Variants in ST18 observed in about 807,000 individuals in gnomAD.
The protein encoded by ST18 is ST18 C2H2C-type zinc finger transcription factor.
Under a neutral mutation model 110.0 loss-of-function variants are expected in ST18, and 50 were observed. The ratio of observed to expected loss-of-function variants is 0.45; its 90% CI spans 0.36 to 0.58. The LOEUF (loss-of-function observed/expected upper bound fraction) is 0.58, where lower values mean the gene tolerates loss of function less well. Ranked by LOEUF, ST18 falls within the 20% of genes least tolerant of loss-of-function variation. The pLI, the probability that ST18 is intolerant of heterozygous loss-of-function variation, is 0.00. For synonymous variants in ST18, 461 were observed against 452.4 expected (o/e 1.02, Z -0.24); for missense variants, 1,306 against 1,280.1 (o/e 1.02, Z -0.31).
chr8:52,114,722 G>A (rs1472369769), intron 25 of ST18, among the ~76,000 whole-genome samples: 2 of 152,156 alleles, frequency 1.3e-5, no homozygotes, highest in African/African-American at 4.8e-5. Context: ...CTGCAGGGCC[G>A]GGCCCACTTG....
chr8:52,366,871 A>G (rs1828172852), intron 2 of ST18, among the ~76,000 whole-genome samples: 1 of 152,218 alleles, frequency 6.6e-6, no homozygotes, highest in South Asian at 2.1e-4. Context: ...GATCTATAAA[A>G]GTGCCTAGAA....
At chr8:52,377,762 G>C (rs537935669) in intron 2 of ST18, among the ~76,000 whole-genome samples, 1 of 152,292 alleles carries the variant, frequency 6.6e-6, no homozygotes, top group South Asian at 2.1e-4. Context: ...GTATACCCAA[G>C]AGAAAGGAAA....
At chr8:52,269,532 C>A (rs2094998542) in intron 2 of ST18, among the ~76,000 whole-genome samples, 1 of 152,130 alleles carries the variant, frequency 6.6e-6, no homozygotes, top group Non-Finnish European at 1.5e-5. Context: ...GAGTTCAGTG[C>A]AAATAAGGGT....
In ST18 at chr8:52,139,417, G is replaced by A. The variant is rs866787120; in HGVS notation, c.2169-1934C>T. Among the ~76,000 whole-genome samples the A allele has an allele frequency of 3.3e-5, 5 of 151,966 alleles. No homozygotes were observed. The South Asian group carries it at 6.3e-4, about 19-fold the overall frequency. On this transcript the variant is annotated intron_variant, in intron 17 of 25. Transcript: ENST00000689386. The stretch of plus-strand genomic sequence containing the variant: ...GTCGCTCAGGCTGGAGTACAGTGGC[G>A]CAATCTCGGCTCACTGCAAACTTCG...
chr8:52,186,594 C>T (rs1461645826), intron 8 of ST18, among the ~76,000 whole-genome samples: 1 of 152,260 alleles, frequency 6.6e-6, no homozygotes, highest in East Asian at 1.9e-4. Context: ...TCCATATATG[C>T]ACAAAAGGTA....
chr8:52,206,691 T>G (rs972705504), intron 8 of ST18: 1 of 149,338 alleles, frequency 6.7e-6, no homozygotes, highest in Non-Finnish European at 1.5e-5. Flanking sequence ...AAGTGGCTTA[T>G]AGGTAAAAAG....
At chr8:52,306,475 A>G (rs919770681) in intron 2 of ST18, among the ~76,000 whole-genome samples, 1 of 152,254 alleles carries the variant, frequency 6.6e-6, no homozygotes, top group Non-Finnish European at 1.5e-5. Context: ...TGAAGAAATA[A>G]ATACATGAAA....
chr8:52,166,119 G>A (rs1437717707), intron 11 of ST18, among the ~76,000 whole-genome samples: 1 of 152,170 alleles, frequency 6.6e-6, no homozygotes, highest in Non-Finnish European at 1.5e-5. Flanking sequence ...AAGGCTGACT[G>A]GTCCTGAGCT....
chr8:52,292,297 T>C (rs2095568144), intron 2 of ST18, among the ~76,000 whole-genome samples: 1 of 152,172 alleles, frequency 6.6e-6, no homozygotes. Flanking sequence ...ATGTCAGAGG[T>C]GCTGCTGCTT....
At position 52,158,165 on chromosome 8, in the gene ST18, A is replaced by T. The variant is rs925795830; in HGVS notation, c.1806+733T>A. Among the ~76,000 whole-genome samples the T allele has an allele frequency of 4.6e-5, 7 of 152,254 alleles. No individual in the cohort carries two copies. The South Asian group carries it at 1.2e-3, about 27-fold the overall frequency. On this transcript the variant is annotated intron_variant, in intron 15 of 25. Coordinates refer to ENST00000689386, the MANE Select transcript of ST18 (RefSeq NM_001352837.2). ...CCTTTGCTGTCAAAGGGCATGAAGG[A>T]TCTTTGTTTTTTGGTTTTCATAAAA... is the stretch of plus-strand genomic sequence containing the variant.
chr8:52,138,950 C>G (rs1296449291), intron 17 of ST18, among the ~76,000 whole-genome samples: 1 of 152,150 alleles, frequency 6.6e-6, no homozygotes, highest in Non-Finnish European at 1.5e-5. Flanking sequence ...TTCCTGTGAT[C>G]CACTTTCCAA....
intron 2 of ST18, among the ~76,000 whole-genome samples, chr8:52,367,365 T>C (rs1284448614): frequency 6.6e-6 from 1 of 152,010 alleles, no homozygotes; most frequent in Non-Finnish European, 1.5e-5. Flanking sequence ...GAGGTTGCAG[T>C]GAGCCAATAT....
At chr8:52,404,279 CT>C (rs1314028516) in intron 2 of ST18, 2 of 152,134 alleles carry the variant, frequency 1.3e-5, no homozygotes, top group African/African-American at 4.8e-5. Context: ...CAATAAAGGG[CT>C]TTTGAGAGAA....
chr8:52,222,437 C>T (rs2087189123), intron 3 of ST18, among the ~76,000 whole-genome samples: 1 of 152,208 alleles, frequency 6.6e-6, no homozygotes, highest in African/African-American at 2.4e-5. Flanking sequence ...AGCCCTCTGC[C>T]CTAACCCCAT....
At chr8:52,265,289 T>A (rs538813568) in intron 2 of ST18, among the ~76,000 whole-genome samples, 2 of 152,186 alleles carry the variant, frequency 1.3e-5, no homozygotes, top group South Asian at 2.1e-4. Context: ...GGAGATGAGG[T>A]CAGAGACCTG....
At chr8:52,347,133 A>G (rs1818149536) in intron 2 of ST18, among the ~76,000 whole-genome samples, 1 of 152,370 alleles carries the variant, frequency 6.6e-6, no homozygotes, top group Admixed American at 6.5e-5. Context: ...CTCTTGGTCT[A>G]GAACAAAATA....
intron 6 of ST18, among the ~76,000 whole-genome samples, chr8:52,215,562 C>G (rs6992299): frequency 6.6e-6 from 1 of 152,094 alleles, no homozygotes; most frequent in Non-Finnish European, 1.5e-5. Flanking sequence ...AACACCACAC[C>G]AATCGTTGAA....
intron 2 of ST18, among the ~76,000 whole-genome samples, chr8:52,408,424 G>GC (rs1443559262): frequency 1.3e-5 from 2 of 152,216 alleles, no homozygotes; most frequent in African/African-American, 4.8e-5. Flanking sequence ...CTCGCTGTCT[G>GC]CTCTCCCCCA....
At chr8:52,129,421 T>G (rs1586487137) in intron 22 of ST18, among the ~76,000 whole-genome samples, 1 of 127,942 alleles carries the variant, frequency 7.8e-6, no homozygotes, top group Non-Finnish European at 1.5e-5. Context: ...ACCACTGCAC[T>G]CCAGTCTGGG....
Sources: allele counts gnomAD v4.1 joint callset (sites outside exome capture counted in the v4.1 genomes callset), GRCh38; gene constraint gnomAD v4.1.1; transcripts MANE v1.5; gene names NCBI Gene and HGNC (gene_info 2026-07-23, HGNC 2026-07-21).